The following ZFR2 variants were observed in gnomAD, a reference collection of about 807,000 sequenced individuals.
ZFR2 encodes the protein zinc finger RNA-binding protein 2.
Under a neutral mutation model 105.7 loss-of-function variants are expected in ZFR2, and 104 were observed. The ratio of observed to expected loss-of-function variants is 0.98; its 90% CI spans 0.84 to 1.16. The LOEUF (loss-of-function observed/expected upper bound fraction) is 1.16, where lower values mean the gene tolerates loss of function less well. Among genes scored for constraint, ZFR2 ranks in the 50% most tolerant of loss-of-function variants. ZFR2 has a pLI of 0.00. For synonymous variants in ZFR2, 634 were observed against 597.7 expected, an observed-to-expected ratio of 1.06 and a Z score of -0.89; for missense variants, 1,425 against 1,355.5, an observed-to-expected ratio of 1.05 and a Z score of -0.80.
Position 3,822,184 on chromosome 19 carries a change from C to A in ZFR2, c.1388G>T (p.Gly463Val). 6.3e-7 allele frequency: 1 copy of A among 1,598,888 alleles called. No individual in the cohort carries two copies. The highest frequency in any genetic ancestry group is 8.5e-7 in the Non-Finnish European group (1 of 1,173,356). ...EYVEEVFSDE[G>V]RVLRFHCKLC... is the part of the protein sequence containing the mutation. ...CTTGCAGTGGAAGCGAAGCACTCGC[C>A]CTTCGTCGCTGAACACCTGAGACAC... Residue 463 changes from glycine (G) to valine (V), a missense_variant, in exon 9 of 19, where the codon GGG (glycine) becomes GTG (valine). By Grantham distance (109) the Gly-to-Val change is moderately radical (BLOSUM62 -3). Transcript: ENST00000262961.
intron 1 of ZFR2, among the ~76,000 whole-genome samples, chr19:3,843,408 T>G (rs976808248): frequency 6.6e-6 from 1 of 151,626 alleles, no homozygotes; most frequent in African/African-American, 2.4e-5. Context: ...GAGGTGGAGG[T>G]TGCAGTGAGT....
intron 1 of ZFR2, among the ~76,000 whole-genome samples, chr19:3,863,932 TCA>T (rs1032861505): frequency 2.6e-5 from 4 of 152,074 alleles, no homozygotes; most frequent in African/African-American, 9.7e-5. Context: ...ACGTGAGGGC[TCA>T]GTCAGTATCA....
At chr19:3,811,450 C>T (rs1568417086) in intron 14 of ZFR2, 84 bp from the exon 15 acceptor site, 6 of 1,296,962 alleles carry the variant, frequency 4.6e-6, no homozygotes, top group Non-Finnish European at 5.3e-6. Flanking sequence ...TCAGTTTGGG[C>T]CCCTCGACGC....
Position 3,858,983 on chromosome 19 carries a change from A to G in ZFR2, c.53+9982T>C, listed in dbSNP as rs552018973. Among the ~76,000 whole-genome samples the G allele has an allele frequency of 1.0e-3, 153 of 152,304 alleles. No homozygotes were observed. Among genetic ancestry groups the G allele is most frequent in the African/African-American group, 3.5e-3 (146 of 41,564 alleles). ...CTGTGATGGTTAATACTGAGTGTCA[A>G]CTTGACTGGATTGAAGGATGCAAAA... On this transcript the variant is annotated intron_variant, in intron 1 of 18. Coordinates refer to ENST00000262961, the MANE Select transcript of ZFR2 (RefSeq NM_015174.2). The surrounding 1 kb of genome is among the most constrained non-coding windows in gnomAD (Gnocchi z 4.3).
chr19:3,808,781 T>TCTGTGACCCCAGCTCTCTGTGC, intron 17 of ZFR2, 91 bp downstream of exon 17: 1 of 1,081,730 alleles, frequency 9.2e-7, no homozygotes, highest in Non-Finnish European at 1.3e-6. Flanking sequence ...TTCCTCTGTG[T>TCTGTGACCCCAGCTCTCTGTGC]CTGTGACCCC....
rs959032596 is a variant in ZFR2 at position 3,855,566 on chromosome 19, G to A, written c.53+13399C>T. ...CCCGTCCTCCAGGAGGGTGCTGCGC[G>A]ATAGTCCAGGGAGACACGGGGTCAG... On this transcript the variant is annotated intron_variant, in intron 1 of 18. Coordinates refer to ENST00000262961, the MANE Select transcript of ZFR2 (RefSeq NM_015174.2). 1.1e-5 allele frequency: 8 copies of A among 703,392 alleles called. 1 individual carries two copies. The South Asian group carries it at 3.7e-4, about 32-fold the overall frequency. 43.6% of individuals were successfully genotyped at this position (703,392 alleles called of 1,614,324 possible).
Position 3,817,985 on chromosome 19 carries a change from G to A in ZFR2, c.1931+1060C>T, listed in dbSNP as rs368302158. On this transcript the variant is annotated intron_variant, in intron 12 of 18. Transcript: ENST00000262961. Reference sequence around the variant, plus strand: ...ACAGGCCAATCCACAGAGACAGGGCGGGCACGCATGGGTGCACGAAACAAA... The same window carrying A: ...ACAGGCCAATCCACAGAGACAGGGCAGGCACGCATGGGTGCACGAAACAAA... 1.1e-4 allele frequency among the ~76,000 whole-genome samples: 16 copies of A among 152,298 alleles called. 1 individual carries two copies. Among genetic ancestry groups the A allele is most frequent in the East Asian group, 3.9e-4 (2 of 5,180 alleles).
chr19:3,822,776 G>A (rs1057231048), intron 8 of ZFR2, among the ~76,000 whole-genome samples: 1 of 152,156 alleles, frequency 6.6e-6, no homozygotes, highest in Non-Finnish European at 1.5e-5. Flanking sequence ...TCTTTGGCAC[G>A]CACAAGGCCA....
chr19:3,859,127 T>G (rs11666969), intron 1 of ZFR2, among the ~76,000 whole-genome samples: 121,548 of 152,136 alleles, frequency 0.8, 49,224 homozygotes, highest in East Asian at 0.93. Context: ...AGCTGCCAGC[T>G]CGGCCAGGAT....
chr19:3,826,040 C>T (rs2037946123), intron 6 of ZFR2, among the ~76,000 whole-genome samples: 1 of 152,046 alleles, frequency 6.6e-6, no homozygotes, highest in Non-Finnish European at 1.5e-5. Context: ...AACCCCACAA[C>T]GGGCAGCAGG....
At chr19:3,853,589 C>A (rs1020630949) in intron 1 of ZFR2, among the ~76,000 whole-genome samples, 3 of 152,074 alleles carry the variant, frequency 2.0e-5, no homozygotes, top group South Asian at 2.1e-4. Context: ...AAAGGCCATA[C>A]AATATGTAAT....
Position 3,816,807 on chromosome 19 carries a change from A to G in ZFR2, c.1970T>C (p.Met657Thr), listed in dbSNP as rs1208356732. 3.2e-6 allele frequency: 5 copies of G among 1,587,294 alleles called. No homozygotes were observed. Among genetic ancestry groups the G allele is most frequent in the Admixed American group, 1.8e-5 (1 of 55,074 alleles). ...GCCTTTCGCCAGGATGCCTACTCGC[A>G]TGACGCCTTTCAGGACCCGAGTCTG... The part of the protein sequence containing the change: ...APQTRVLKGV[M>T]RVGILAKGLL... Residue 657 changes from methionine (M) to threonine (T), a missense_variant, in exon 13 of 19, where the codon ATG becomes ACG. Physicochemically the swap from Met to Thr is moderately conservative, Grantham distance 81. Coordinates refer to ENST00000262961, the MANE Select transcript of ZFR2 (RefSeq NM_015174.2).
At position 3,823,453 on chromosome 19, in the gene ZFR2, G is replaced by A. The variant is rs2037917133; in HGVS notation, c.1214-50C>T. ...ATACCCTGTTCCAGGAGAAAGCACT[G>A]CAGCTGCAGACCCGCCAGGCGGCAT... is the stretch of plus-strand genomic sequence containing the variant. On this transcript the variant is annotated intron_variant, in intron 7 of 18. Transcript: ENST00000262961. The surrounding 1 kb of genome is among the most constrained non-coding windows in gnomAD (Gnocchi z 5.4). 3 of 1,526,232 alleles carry A rather than the reference G, an allele frequency of 2.0e-6. No individual in the cohort carries two copies. Among genetic ancestry groups the A allele is most frequent in the Non-Finnish European group, 2.6e-6 (3 of 1,137,920 alleles). 94.5% of individuals were successfully genotyped at this position (1,526,232 alleles called of 1,614,324 possible).
At chr19:3,847,437 T>C (rs2038194962) in intron 1 of ZFR2, among the ~76,000 whole-genome samples, 1 of 151,890 alleles carries the variant, frequency 6.6e-6, no homozygotes. Context: ...AGCAGTAGAA[T>C]CACTTGAACC....
chr19:3,839,999 T>C (rs1056394710), intron 1 of ZFR2, among the ~76,000 whole-genome samples: 1 of 152,136 alleles, frequency 6.6e-6, no homozygotes, highest in Non-Finnish European at 1.5e-5. Context: ...CAGTTACATG[T>C]GTGCAAAATG....
At chr19:3,806,793 TAGG>T (rs982520414) in intron 18 of ZFR2, among the ~76,000 whole-genome samples, 6 of 152,236 alleles carry the variant, frequency 3.9e-5, no homozygotes, top group Admixed American at 3.3e-4. Flanking sequence ...TTGGTGCTGC[TAGG>T]AGATTTTTCT....
chr19:3,809,931 C>T (rs1037977640), intron 16 of ZFR2, among the ~76,000 whole-genome samples: 4 of 151,980 alleles, frequency 2.6e-5, no homozygotes, highest in African/African-American at 7.2e-5. Flanking sequence ...GCAACAAGAG[C>T]GAGACTCCAT....
rs749614728 is a variant in ZFR2 at position 3,825,362 on chromosome 19, C to T, written c.1081G>A (p.Glu361Lys). The T allele has an allele frequency of 2.3e-5, 37 of 1,591,416 alleles. No individual in the cohort carries two copies. The highest frequency in any genetic ancestry group is 2.7e-5 in the Non-Finnish European group (32 of 1,171,156). Residue 361 changes from glutamate to lysine, a missense_variant, in exon 7 of 19, where the codon GAG becomes AAG. Physicochemically the swap from Glu to Lys is moderately conservative, Grantham distance 56. Coordinates refer to ENST00000262961, the MANE Select transcript of ZFR2 (RefSeq NM_015174.2). ...GGGCTCTCTGTGGCCAGTGCAGGCT[C>T]GAGGGTGGGAATGGGCTTCCCCAGT... The part of the protein sequence containing the change: ...AKLGKPIPTL[E>K]PALATESPPG...
At chr19:3,824,182 C>G (rs1236900314) in intron 7 of ZFR2, among the ~76,000 whole-genome samples, 1 of 152,160 alleles carries the variant, frequency 6.6e-6, no homozygotes, top group Non-Finnish European at 1.5e-5. Flanking sequence ...CACCTGTAGT[C>G]CCAGTTACTC....
Sources: gnomAD v4.1 joint callset for allele counts (sites outside exome capture counted in the v4.1 genomes callset) on GRCh38, gnomAD v4.1.1 for gene constraint, Gnocchi (gnomAD v3.1) non-coding constraint, MANE v1.5 for transcripts, NCBI Gene and HGNC (gene_info 2026-07-23, HGNC 2026-07-21) for gene names.